COL17A1: variants seen among roughly 807,000 people sequenced by gnomAD.
COL17A1 encodes collagen type XVII alpha 1 chain.
Under a neutral mutation model 218.4 loss-of-function variants are expected in COL17A1, and 181 were observed. The observed-to-expected ratio is 0.83, with a 90% CI of 0.73 to 0.94. The LOEUF (loss-of-function observed/expected upper bound fraction) is 0.94, where lower values mean the gene tolerates loss of function less well. Ranked by LOEUF, COL17A1 falls within the 40% of genes least tolerant of loss-of-function variation. The pLI is 0.00. For missense variants in COL17A1, 1,924 were observed against 1,945.9 expected (o/e 0.99, Z 0.21); for synonymous variants, 721 against 731.0 (o/e 0.99, Z 0.22).
At chr10:104,061,284 A>G (rs2086580129) in intron 13 of COL17A1, 121 bp downstream of exon 13, 1 of 1,009,236 alleles carries the variant, frequency 9.9e-7, no homozygotes, top group Non-Finnish European at 1.5e-6. Flanking sequence ...AAGACCACTC[A>G]TGGGTCCTAT....
intron 2 of COL17A1, among the ~76,000 whole-genome samples, chr10:104,079,926 CA>C (rs11369650): frequency 2.6e-3 from 353 of 134,954 alleles, no homozygotes; most frequent in Middle Eastern, 7.5e-3. Context: ...GACTCCGTCT[CA>C]AAAAAAAAAA....
At position 104,034,030 on chromosome 10, in the gene COL17A1, A is replaced by G; in HGVS notation, c.4071T>C (p.Ala1357=). Residue 1357 remains alanine (A), a synonymous_variant, in exon 52 of 56, where the codon GCT becomes GCC. Coordinates refer to ENST00000648076, the MANE Select transcript of COL17A1 (RefSeq NM_000494.4). ...YGAAAEGGMY[A]GNGGLLGADF... ...CAGCTCCCAATAGTCCGCCATTGCC[A>G]GCATACATGCCGCCTTCTGCTGCTG... The G allele has an allele frequency of 6.2e-7, 1 of 1,614,192 alleles. No homozygotes were observed. Among genetic ancestry groups the G allele is most frequent in the Non-Finnish European group, 8.5e-7 (1 of 1,180,024 alleles).
intron 9 of COL17A1, among the ~76,000 whole-genome samples, chr10:104,064,952 C>T (rs761724329): frequency 5.9e-5 from 9 of 152,324 alleles, no homozygotes; most frequent in South Asian, 2.1e-4. Flanking sequence ...TCTTCAAAGA[C>T]GCTGAGGGAA....
In COL17A1 at chr10:104,071,500, G is replaced by A. The variant is rs141838545; in HGVS notation, c.463+532C>T. On this transcript the variant is annotated intron_variant, in intron 8 of 55. Coordinates refer to ENST00000648076, the MANE Select transcript of COL17A1 (RefSeq NM_000494.4). Reference sequence around the variant, plus strand: ...CAACAGGTATCTAACATATTCCATCGACAGAGACTGGGGGGTCTCTGACAT... The same window carrying A: ...CAACAGGTATCTAACATATTCCATCAACAGAGACTGGGGGGTCTCTGACAT... Among the ~76,000 whole-genome samples the A allele has an allele frequency of 4.6e-5, 7 of 152,236 alleles. No homozygotes were observed. The South Asian group carries it at 8.3e-4, about 18-fold the overall frequency.
At chr10:104,045,461 G>T (rs2134593988) in intron 33 of COL17A1, among the ~76,000 whole-genome samples, 1 of 152,296 alleles carries the variant, frequency 6.6e-6, no homozygotes, top group East Asian at 1.9e-4. Flanking sequence ...GCACAGAAAG[G>T]CTTTGGGGAG....
At chr10:104,085,420 AACAAC>A (rs1283753671) in intron 1 of COL17A1, among the ~76,000 whole-genome samples, 8 of 152,224 alleles carry the variant, frequency 5.3e-5, no homozygotes, top group African/African-American at 9.6e-5. Flanking sequence ...TTCTAAATAA[AACAAC>A]ACAAGTCATT....
chr10:104,040,645 G>C (rs974977139), intron 39 of COL17A1, among the ~76,000 whole-genome samples: 2 of 152,082 alleles, frequency 1.3e-5, no homozygotes, highest in Non-Finnish European at 2.9e-5. Context: ...TAGATGGATG[G>C]ATAAATGGAT....
chr10:104,040,407 G>T lies in COL17A1; in HGVS notation c.2705C>A (p.Thr902Asn). ...TGGGCCTGGGGGGCCGGAGAGGAAGGTTTCTGCAGAGGAAGGAAATAGTTT... is the reference window on the plus strand; with the variant it reads ...TGGGCCTGGGGGGCCGGAGAGGAAGTTTTCTGCAGAGGAAGGAAATAGTTT... ...PPGSFLSNSETFLSGPPGPPG... is the reference protein window; with the variant it reads ...PPGSFLSNSENFLSGPPGPPG... Residue 902 changes from threonine (T) to asparagine (N), a missense_variant, in exon 40 of 56, where the codon ACC becomes AAC. By Grantham distance (65) the Thr-to-Asn change is moderately conservative (BLOSUM62 0). Transcript: ENST00000648076. The T allele has an allele frequency of 6.2e-7, 1 of 1,608,068 alleles. No individual in the cohort carries two copies. The highest frequency in any genetic ancestry group is 2.2e-5 in the East Asian group (1 of 44,856).
Position 104,050,603 on chromosome 10 carries a change from C to T in COL17A1, c.2128+18G>A, listed in dbSNP as rs750291647. The T allele has an allele frequency of 1.3e-5, 21 of 1,612,766 alleles. No homozygotes were observed. The highest frequency in any genetic ancestry group is 1.7e-5 in the Non-Finnish European group (20 of 1,180,040). ...GAGGCAGGCCCTGGTAATGACAGAG[C>T]AGCAGTGAGTGGCATACCTTTGGGT... On this transcript the variant is annotated intron_variant, in intron 27 of 55. Transcript: ENST00000648076.
intron 2 of COL17A1, among the ~76,000 whole-genome samples, chr10:104,079,418 A>G (rs1564687964): frequency 6.6e-6 from 1 of 152,134 alleles, no homozygotes; most frequent in Admixed American, 6.6e-5. Context: ...ATGCATGGGC[A>G]CATACGTGTG....
At position 104,039,115 on chromosome 10, in the gene COL17A1, G is replaced by A. The variant is rs779577114; in HGVS notation, c.2903C>T (p.Pro968Leu). The change falls in exon 44 of 56, where the codon CCA (proline) becomes CTA (leucine). Residue 968 changes from proline to leucine, a missense_variant. Pro to Leu is a moderately conservative substitution (Grantham distance 98). Coordinates refer to ENST00000648076, the MANE Select transcript of COL17A1 (RefSeq NM_000494.4). Reference sequence around the variant, plus strand: ...AATGCCAAGAGCCCCTGGAACACCTGGATCACCTGGAATCCAAAATGAGAA... The same window carrying A: ...AATGCCAAGAGCCCCTGGAACACCTAGATCACCTGGAATCCAAAATGAGAA... Reference protein sequence around the residue: ...PQGPKGDKGDPGVPGALGIPS... With the variant: ...PQGPKGDKGDLGVPGALGIPS... The A allele has an allele frequency of 3.4e-5, 55 of 1,613,846 alleles. No homozygotes were observed. Among genetic ancestry groups the A allele is most frequent in the East Asian group, 2.5e-4 (11 of 44,886 alleles).
chr10:104,054,882 C>A, intron 20 of COL17A1, 99 bp downstream of exon 20: 1 of 1,575,570 alleles, frequency 6.3e-7, no homozygotes. Flanking sequence ...TGTCAAATTA[C>A]TTCTTGGAGT....
chr10:104,046,861 A>G (rs1589562944), intron 31 of COL17A1, 88 bp from the exon 32 acceptor site: 2 of 1,250,964 alleles, frequency 1.6e-6, no homozygotes, highest in Non-Finnish European at 2.3e-6. Flanking sequence ...ACCGGTGGAC[A>G]CTGCAGTGGA....
chr10:104,047,983 C>T (rs1218707180), intron 30 of COL17A1, 86 bp downstream of exon 30: 4 of 1,524,826 alleles, frequency 2.6e-6, no homozygotes, highest in Admixed American at 3.3e-5. Context: ...TGCTCCTCTG[C>T]ACTATGGTTA....
Position 104,037,793 on chromosome 10 carries a change from G to A in COL17A1, c.3071-20C>T, listed in dbSNP as rs1257365581. ...TGTCACCTGCCGACCAAGGAACAAA[G>A]CAAAGTCAAGCCTGTCCCAAGAGGA... On this transcript the variant is annotated intron_variant, in intron 45 of 55. Coordinates refer to ENST00000648076, the MANE Select transcript of COL17A1 (RefSeq NM_000494.4). 1 of 1,612,272 alleles carries A rather than the reference G, an allele frequency of 6.2e-7. No individual in the cohort carries two copies. Among genetic ancestry groups the A allele is most frequent in the Non-Finnish European group, 8.5e-7 (1 of 1,179,398 alleles).
chr10:104,049,621 T>G, intron 28 of COL17A1, 150 bp from the exon 29 acceptor site: 1 of 778,096 alleles, frequency 1.3e-6, no homozygotes, highest in Non-Finnish European at 2.2e-6. Context: ...GGAAGTGGCA[T>G]GGGCTCAACC....
At chr10:104,076,817 A>G (rs1422518358) in intron 4 of COL17A1, among the ~76,000 whole-genome samples, 1 of 152,086 alleles carries the variant, frequency 6.6e-6, no homozygotes, top group Non-Finnish European at 1.5e-5. Context: ...AAGTATTTTA[A>G]ATGGCTTCAG....
At chr10:104,062,910 A>C (rs2086595554) in intron 11 of COL17A1, among the ~76,000 whole-genome samples, 1 of 152,232 alleles carries the variant, frequency 6.6e-6, no homozygotes, top group Non-Finnish European at 1.5e-5. Flanking sequence ...CAGCTTTGTT[A>C]TTTAGGGCAC....
intron 33 of COL17A1, 77 bp downstream of exon 33, chr10:104,045,681 G>A: frequency 1.6e-6 from 2 of 1,216,490 alleles, no homozygotes; most frequent in Non-Finnish European, 2.4e-6. Context: ...CCAGAGAGAG[G>A]CCTCCTCCTG....
Sources: allele counts gnomAD v4.1 joint callset (sites outside exome capture counted in the v4.1 genomes callset), GRCh38; gene constraint gnomAD v4.1.1; transcripts MANE v1.5; gene names NCBI Gene and HGNC (gene_info 2026-07-23, HGNC 2026-07-21).